The following EXD3 variants were observed in gnomAD, a reference collection of about 807,000 sequenced individuals.
EXD3 encodes the protein exonuclease 3'-5' domain containing 3.
In EXD3, 92 loss-of-function variants were observed where a neutral mutation model predicts 98.0. The observed-to-expected ratio is 0.94, with a 90% CI of 0.79 to 1.12. The LOEUF is 1.12. EXD3 is among the 50% of genes most tolerant of loss of function. The pLI, the probability that EXD3 is intolerant of heterozygous loss-of-function variation, is 0.00. For missense variants in EXD3, 1,222 were observed against 1,191.6 expected (o/e 1.03, Z -0.38); for synonymous variants, 569 against 526.0 (o/e 1.08, Z -1.12).
At chr9:137,343,575 CTTTTTTTTTTTTTTTTTTT>C (rs1167772389) in intron 17 of EXD3, 17 of 56,612 alleles carry the variant, frequency 3.0e-4, no homozygotes, top group African/African-American at 1.3e-3. Context: ...ACTACTGTAT[CTTTTTTTTTTTTTTTTTTT>C]TTTTTTTTTT....
At chr9:137,354,536 C>T (rs1834506952) in intron 9 of EXD3, 159 bp from the exon 10 acceptor site, 2 of 1,534,994 alleles carry the variant, frequency 1.3e-6, no homozygotes, top group Non-Finnish European at 1.7e-6. Context: ...GCCCCATGGC[C>T]TCCCCTTCAC....
In EXD3 at chr9:137,324,020, G is replaced by T. The variant is rs1832245065; in HGVS notation, c.2052+70C>A. The T allele has an allele frequency of 4.4e-5, 68 of 1,540,002 alleles. No homozygotes were observed. Among genetic ancestry groups the T allele is most frequent in the Non-Finnish European group, 5.9e-5 (67 of 1,137,750 alleles). ...CACGGCAAGCTGACCCTGAGGTGGG[G>T]GTGGCCGAGGGGCTGGGGGCTTGGG... On this transcript the variant is annotated intron_variant, in intron 18 of 21. Transcript: ENST00000340951. This position sits in a 1 kb window ranked among gnomAD's most constrained non-coding sequence, Gnocchi z 4.1.
chr9:137,371,437 G>A lies in EXD3; in HGVS notation c.462+1468C>T, dbSNP rs911636797. 3.3e-5 allele frequency among the ~76,000 whole-genome samples: 5 copies of A among 152,214 alleles called. No individual in the cohort carries two copies. The highest frequency in any genetic ancestry group is 2.1e-4 in the South Asian group (1 of 4,828). On this transcript the variant is annotated intron_variant, in intron 5 of 21. Coordinates refer to ENST00000340951, the MANE Select transcript of EXD3 (RefSeq NM_017820.5). This position sits in a 1 kb window ranked among gnomAD's most constrained non-coding sequence, Gnocchi z 8.0. ...TGAGGGCCCGGCCAGGGCAGCCCCC[G>A]ATGCCCGTGCCCAGGTTCCAATGCA... is the stretch of plus-strand genomic sequence containing the variant.
chr9:137,368,592 T>G (rs1172705783), intron 5 of EXD3, among the ~76,000 whole-genome samples: 3 of 152,274 alleles, frequency 2.0e-5, no homozygotes, highest in South Asian at 4.1e-4. Context: ...ATAATTTCCA[T>G]AAGCCGCGCT....
At chr9:137,390,561 T>C (rs1836851487) in intron 2 of EXD3, among the ~76,000 whole-genome samples, 1 of 152,220 alleles carries the variant, frequency 6.6e-6, no homozygotes, top group Non-Finnish European at 1.5e-5. Context: ...GGCCCGGTAT[T>C]GGCGTTAGAA....
In EXD3 at chr9:137,349,331, C is replaced by T. The variant is rs552945522; in HGVS notation, c.1657+38G>A. On this transcript the variant is annotated intron_variant, in intron 15 of 21. Transcript: ENST00000340951. The surrounding 1 kb of genome is among the most constrained non-coding windows in gnomAD (Gnocchi z 7.4). The stretch of plus-strand genomic sequence containing the variant: ...CTCCCGGGACAGAGGGCGGGAGGGG[C>T]GTGAGGAGGGGTCACTCCCACCCGC... The T allele has an allele frequency of 1.0e-5, 16 of 1,548,134 alleles. No homozygotes were observed. The highest frequency in any genetic ancestry group is 4.1e-5 in the African/African-American group (3 of 73,710).
At chr9:137,369,815 C>T (rs941983382) in intron 5 of EXD3, among the ~76,000 whole-genome samples, 2 of 152,218 alleles carry the variant, frequency 1.3e-5, no homozygotes, top group South Asian at 2.1e-4. Context: ...TTCAAAGTGC[C>T]CAGCTCAGCC....
intron 10 of EXD3, 187 bp from the exon 11 acceptor site, chr9:137,352,973 C>T (rs891487610): frequency 4.5e-5 from 63 of 1,406,518 alleles, no homozygotes; most frequent in African/African-American, 3.1e-4. Flanking sequence ...AGGACCAAAG[C>T]GGCTGAGATA....
At chr9:137,340,244 G>C (rs925877279) in intron 17 of EXD3, among the ~76,000 whole-genome samples, 78 of 152,328 alleles carry the variant, frequency 5.1e-4, no homozygotes, top group African/African-American at 1.7e-3. Context: ...CTGGGAGGCT[G>C]AGGCGGGCGG....
intron 17 of EXD3, among the ~76,000 whole-genome samples, chr9:137,333,515 G>A (rs550712025): frequency 1.1e-4 from 16 of 152,286 alleles, no homozygotes; most frequent in South Asian, 4.1e-4. Context: ...TGCAAGCCAC[G>A]GTGTTGGAGG....
rs1008456263 is a variant in EXD3, at chr9:137,371,886, C to T, written c.462+1019G>A. 6.6e-6 allele frequency among the ~76,000 whole-genome samples: 1 copy of T among 151,996 alleles called. No homozygotes were observed. The highest frequency in any genetic ancestry group is 1.9e-4 in the East Asian group (1 of 5,166). On this transcript the variant is annotated intron_variant, in intron 5 of 21. Coordinates refer to ENST00000340951, the MANE Select transcript of EXD3 (RefSeq NM_017820.5). This position sits in a 1 kb window ranked among gnomAD's most constrained non-coding sequence, Gnocchi z 8.0. The stretch of plus-strand genomic sequence containing the variant: ...GGGGGCTCCCCTGCACCTGCAGGAA[C>T]AGCTCAGAGCCACCCCACGCAAGAC...
intron 16 of EXD3, 26 bp from the exon 17 acceptor site, chr9:137,348,264 C>T: frequency 1.4e-5 from 22 of 1,601,702 alleles, no homozygotes; most frequent in Non-Finnish European, 1.9e-5. Context: ...GGTCAGCAGT[C>T]CCACGGTCAC....
intron 17 of EXD3, among the ~76,000 whole-genome samples, chr9:137,327,226 C>G (rs561590270): frequency 6.6e-6 from 1 of 151,802 alleles, no homozygotes; most frequent in East Asian, 1.9e-4. Context: ...TTCTGCCTCC[C>G]GGGTTCACGC....
intron 2 of EXD3, among the ~76,000 whole-genome samples, chr9:137,390,324 C>T (rs1348749508): frequency 6.7e-6 from 1 of 148,180 alleles, no homozygotes; most frequent in Non-Finnish European, 1.5e-5. Flanking sequence ...CCCAGCTACT[C>T]GGGAGGCTGA....
intron 19 of EXD3, among the ~76,000 whole-genome samples, chr9:137,317,574 G>A (rs576036982): frequency 8.5e-5 from 13 of 152,090 alleles, no homozygotes; most frequent in Non-Finnish European, 1.8e-4. Context: ...CAGCTTTTCT[G>A]GAAGGCTGCT....
intron 1 of EXD3, among the ~76,000 whole-genome samples, chr9:137,400,176 C>T (rs1837412382): frequency 6.6e-6 from 1 of 152,176 alleles, no homozygotes; most frequent in African/African-American, 2.4e-5. Flanking sequence ...CCCTGGGTCC[C>T]TCCCATAACG....
chr9:137,350,398 A>AG (rs1376451847), intron 14 of EXD3, among the ~76,000 whole-genome samples: 1 of 86,052 alleles, frequency 1.2e-5, no homozygotes, highest in Non-Finnish European at 2.2e-5. Flanking sequence ...GATCACGGGG[A>AG]GGGGTTAGAT....
intron 1 of EXD3, among the ~76,000 whole-genome samples, chr9:137,421,591 C>T (rs2131854302): frequency 6.6e-6 from 1 of 152,348 alleles, no homozygotes; most frequent in East Asian, 1.9e-4. Flanking sequence ...AACCCCAGCA[C>T]TTTGGGAGGC....
Position 137,347,358 on chromosome 9 carries a change from C to T in EXD3, c.1998+713G>A, listed in dbSNP as rs561952774. On this transcript the variant is annotated intron_variant, in intron 17 of 21. Coordinates refer to ENST00000340951, the MANE Select transcript of EXD3 (RefSeq NM_017820.5). This position sits in a 1 kb window ranked among gnomAD's most constrained non-coding sequence, Gnocchi z 4.2. ...GCTGTTGGACTGAGGTTTCCTTGTG[C>T]GGCGTCCTCCATCTTCAAGCCAACA... 1.3e-5 allele frequency among the ~76,000 whole-genome samples: 2 copies of T among 152,246 alleles called. No homozygotes were observed. The highest frequency in any genetic ancestry group is 1.9e-4 in the East Asian group (1 of 5,186).
Sources: gnomAD v4.1 joint callset for allele counts (sites outside exome capture counted in the v4.1 genomes callset) on GRCh38, gnomAD v4.1.1 for gene constraint, Gnocchi (gnomAD v3.1) non-coding constraint, MANE v1.5 for transcripts, NCBI Gene and HGNC (gene_info 2026-07-23, HGNC 2026-07-21) for gene names.